The following ZNF609 variants were observed in gnomAD, a reference collection of about 807,000 sequenced individuals.
The protein encoded by ZNF609 is zinc finger protein 609.
In ZNF609, 11 loss-of-function variants were observed where a neutral mutation model predicts 109.5. That is an observed-to-expected ratio of 0.10 (90% CI 0.06 to 0.17). The LOEUF is 0.17. ZNF609 is among the 10% of genes least tolerant of loss of function. The pLI is 1.00. For missense variants in ZNF609, 1,559 were observed against 1,772.4 expected, an observed-to-expected ratio of 0.88 and a Z score of 2.16; for synonymous variants, 646 against 662.0, an observed-to-expected ratio of 0.98 and a Z score of 0.37.
Position 64,625,101 on chromosome 15 carries a change from ACATC to A in ZNF609, c.973+2050_973+2053del. ...TACTCTATACTTTATTTCATAGCAC[ACATC>A]ACAGTTTGCAACTTTGTTTATCATT... On this transcript the variant is annotated intron_variant, in intron 3 of 9. Coordinates refer to ENST00000326648, the MANE Select transcript of ZNF609 (RefSeq NM_015042.2). 2.0e-5 allele frequency among the ~76,000 whole-genome samples: 3 copies of A among 152,264 alleles called. No homozygotes were observed. The East Asian group carries it at 5.8e-4, about 29-fold the overall frequency.
intron 2 of ZNF609, among the ~76,000 whole-genome samples, chr15:64,561,329 G>A (rs1696848091): frequency 6.6e-6 from 1 of 152,026 alleles, no homozygotes; most frequent in Non-Finnish European, 1.5e-5. Flanking sequence ...GTGAGGGCAG[G>A]TTCTTGGCTC....
chr15:64,527,588 T>G (rs1463041732), intron 2 of ZNF609, among the ~76,000 whole-genome samples: 1 of 152,174 alleles, frequency 6.6e-6, no homozygotes, highest in East Asian at 1.9e-4. Context: ...ATTTCCTTGC[T>G]TAGTTGTCCC....
At chr15:64,595,667 G>A (rs1257931208) in intron 2 of ZNF609, among the ~76,000 whole-genome samples, 3 of 152,142 alleles carry the variant, frequency 2.0e-5, no homozygotes, top group Non-Finnish European at 4.4e-5. Context: ...CTTGAAGTTT[G>A]GAGAAGTGAA....
intron 2 of ZNF609, among the ~76,000 whole-genome samples, chr15:64,617,387 G>T (rs1423287375): frequency 2.6e-5 from 4 of 152,050 alleles, no homozygotes; most frequent in African/African-American, 9.7e-5. Flanking sequence ...AGCTACTTGG[G>T]AGGCTGAGGT....
rs961746624 is a variant in ZNF609 at position 64,559,170 on chromosome 15, T to A, written c.747+59004T>A. On this transcript the variant is annotated intron_variant, in intron 2 of 9. Transcript: ENST00000326648. ...TGTGGCCTCATAAATGTAAATTTTT[T>A]AAATTTTAGACCAAGGAGGTGCTTG... Among the ~76,000 whole-genome samples, 5 of 152,252 alleles carry A rather than the reference T, an allele frequency of 3.3e-5. No individual in the cohort carries two copies. In the East Asian group the frequency reaches 5.8e-4, roughly 18 times the overall value.
intron 2 of ZNF609, among the ~76,000 whole-genome samples, chr15:64,545,088 C>T (rs904061625): frequency 6.6e-6 from 1 of 152,160 alleles, no homozygotes; most frequent in African/African-American, 2.4e-5. Context: ...TTCTTGAAGC[C>T]GTTGTGTCTC....
chr15:64,556,007 T>C (rs1595717112), intron 2 of ZNF609, among the ~76,000 whole-genome samples: 1 of 151,186 alleles, frequency 6.6e-6, no homozygotes, highest in East Asian at 1.9e-4. Context: ...TTTTTTTTAG[T>C]TGGAGACAGG....
At chr15:64,671,024 A>C (rs1595759143) in intron 4 of ZNF609, among the ~76,000 whole-genome samples, 1 of 151,790 alleles carries the variant, frequency 6.6e-6, no homozygotes, top group South Asian at 2.1e-4. Context: ...CCTGGCTAAC[A>C]CAGTGAAACC....
chr15:64,473,387 C>G (rs1226517504), intron 1 of ZNF609, among the ~76,000 whole-genome samples: 1 of 151,216 alleles, frequency 6.6e-6, no homozygotes, highest in African/African-American at 2.4e-5. Context: ...TTAGTAGAGA[C>G]AGGATTTCAC....
intron 3 of ZNF609, among the ~76,000 whole-genome samples, chr15:64,665,236 T>C (rs184236247): frequency 1.3e-5 from 2 of 152,122 alleles, no homozygotes; most frequent in African/African-American, 4.8e-5. Flanking sequence ...TTATCTAAGG[T>C]GAAGGTAACA....
chr15:64,546,413 A>T (rs1170440937), intron 2 of ZNF609, among the ~76,000 whole-genome samples: 1 of 150,366 alleles, frequency 6.7e-6, no homozygotes, highest in Admixed American at 6.6e-5. Context: ...CCTGGCTAAG[A>T]TTTTAATGTT....
At chr15:64,584,401 C>G (rs1363680143) in intron 2 of ZNF609, among the ~76,000 whole-genome samples, 37 of 152,092 alleles carry the variant, frequency 2.4e-4, no homozygotes. Context: ...GGCGTGATCT[C>G]TACTCACTGC....
At chr15:64,576,949 C>CATATATGTATATATACACATAAATAT (rs1567018984) in intron 2 of ZNF609, among the ~76,000 whole-genome samples, 1 of 52,188 alleles carries the variant, frequency 1.9e-5, no homozygotes, top group Admixed American at 2.4e-4. Context: ...TAAATATATA[C>CATATATGTATATATACACATAAATAT]ATATATGTAT....
chr15:64,655,908 T>C (rs1337770894), intron 3 of ZNF609, among the ~76,000 whole-genome samples: 1 of 152,086 alleles, frequency 6.6e-6, no homozygotes, highest in African/African-American at 2.4e-5. Context: ...GGCAGGGGCA[T>C]GGAAATTGTG....
Position 64,623,001 on chromosome 15 carries a change from C to A in ZNF609, c.922C>A (p.Pro308Thr). ...TEPECLGPCE[P>T]GTSVNLEGIV... Reference sequence around the variant, plus strand: ...GCCTGAGTGCTTGGGCCCCTGTGAACCTGGAACTAGCGTCAACCTTGAAGG... The same window carrying A: ...GCCTGAGTGCTTGGGCCCCTGTGAAACTGGAACTAGCGTCAACCTTGAAGG... The change falls in exon 3 of 10, where the codon CCT becomes ACT. Residue 308 changes from proline (P) to threonine (T), a missense_variant. Pro to Thr is a conservative substitution (Grantham distance 38). Coordinates refer to ENST00000326648, the MANE Select transcript of ZNF609 (RefSeq NM_015042.2). 1.9e-6 allele frequency: 3 copies of A among 1,614,226 alleles called. No homozygotes were observed. The highest frequency in any genetic ancestry group is 2.5e-6 in the Non-Finnish European group (3 of 1,180,030).
intron 5 of ZNF609, among the ~76,000 whole-genome samples, chr15:64,677,296 C>G (rs1433399546): frequency 6.6e-6 from 1 of 152,150 alleles, no homozygotes; most frequent in Non-Finnish European, 1.5e-5. Context: ...CTCCTGGCCT[C>G]AAGCAATCCT....
intron 2 of ZNF609, among the ~76,000 whole-genome samples, chr15:64,584,046 C>T (rs1895154417): frequency 6.6e-6 from 1 of 152,140 alleles, no homozygotes; most frequent in African/African-American, 2.4e-5. Context: ...CTCTCTTGCT[C>T]TTTGTCCTCA....
chr15:64,593,600 C>G (rs1895339180), intron 2 of ZNF609, among the ~76,000 whole-genome samples: 1 of 152,110 alleles, frequency 6.6e-6, no homozygotes, highest in African/African-American at 2.4e-5. Flanking sequence ...AATCACAGCT[C>G]ACTGCAACCT....
intron 1 of ZNF609, among the ~76,000 whole-genome samples, chr15:64,485,641 AT>A (rs199510275): frequency 6.7e-5 from 10 of 149,344 alleles, no homozygotes; most frequent in East Asian, 2.0e-4. Context: ...TGTCTACAAA[AT>A]TTTTTTTTTT....
Sources: allele counts gnomAD v4.1 joint callset (sites outside exome capture counted in the v4.1 genomes callset), GRCh38; gene constraint gnomAD v4.1.1; transcripts MANE v1.5; gene names NCBI Gene and HGNC (gene_info 2026-07-23, HGNC 2026-07-21).